Variants in ATF7 observed in about 807,000 individuals in gnomAD.
The protein encoded by ATF7 is cyclic AMP-dependent transcription factor ATF-7.
A neutral mutation model predicts 50.4 loss-of-function variants in ATF7; 10 were observed. The ratio of observed to expected loss-of-function variants is 0.20; its 90% CI spans 0.12 to 0.34. ATF7 has a LOEUF of 0.34. ATF7 is among the 10% of genes least tolerant of loss of function. The probability of loss-of-function intolerance (pLI) is 1.00; values close to 1 mark genes in which losing one functional copy is unlikely to be tolerated. For synonymous variants in ATF7, 201 were observed against 226.4 expected, an observed-to-expected ratio of 0.89 and a Z score of 1.01; for missense variants, 465 against 613.9, an observed-to-expected ratio of 0.76 and a Z score of 2.56.
intron 2 of ATF7, among the ~76,000 whole-genome samples, chr12:53,572,158 TGGCTTGGCATATAAAGAGCTTAG>T (rs1273231040): frequency 6.6e-6 from 1 of 152,218 alleles, no homozygotes; most frequent in Non-Finnish European, 1.5e-5. Context: ...TTCTGGTTTT[TGGCTTGGCATATAAAGAGCTTAG>T]AATAACAGTT....
intron 2 of ATF7, among the ~76,000 whole-genome samples, chr12:53,572,561 C>CG (rs1319787937): frequency 3.9e-5 from 6 of 151,978 alleles, no homozygotes; most frequent in East Asian, 1.9e-4. Context: ...GTGCTTTTGG[C>CG]GGGGGGAAAG....
chr12:53,564,301 A>G (rs1843317), intron 2 of ATF7, among the ~76,000 whole-genome samples: 72,235 of 151,686 alleles, frequency 0.48, 17,281 homozygotes, highest in East Asian at 0.74. Context: ...ACCTGAACCC[A>G]GGAAGTGGAG....
intron 2 of ATF7, among the ~76,000 whole-genome samples, chr12:53,589,751 A>G (rs951404234): frequency 4.6e-5 from 7 of 152,222 alleles, no homozygotes; most frequent in African/African-American, 1.7e-4. Flanking sequence ...CTAAGCAGAC[A>G]GGAACCATGA....
intron 2 of ATF7, among the ~76,000 whole-genome samples, chr12:53,568,131 T>G (rs1941548069): frequency 1.3e-5 from 2 of 152,208 alleles, no homozygotes; most frequent in Admixed American, 6.5e-5. Flanking sequence ...TGTAAATACT[T>G]CCTGATAATA....
downstream of ATF7, chr12:53,511,936 TTCC>T (rs1360331476): frequency 2.0e-5 from 3 of 152,236 alleles, no homozygotes; most frequent in African/African-American, 7.2e-5. Flanking sequence ...AAAATCCCTG[TTCC>T]TTCTGTCCTA....
At chr12:53,587,193 C>A (rs930367664) in intron 2 of ATF7, among the ~76,000 whole-genome samples, 1 of 151,042 alleles carries the variant, frequency 6.6e-6, no homozygotes, top group African/African-American at 2.4e-5. Flanking sequence ...ATGGTGAAAA[C>A]CCATCTCTAC....
chr12:53,548,633 G>A (rs1940108499), intron 3 of ATF7, among the ~76,000 whole-genome samples: 1 of 152,188 alleles, frequency 6.6e-6, no homozygotes, highest in Admixed American at 6.5e-5. Context: ...GTGCTCAGCT[G>A]AGAATGCTTT....
chr12:53,562,333 A>G (rs1402266535), intron 2 of ATF7, among the ~76,000 whole-genome samples: 1 of 152,084 alleles, frequency 6.6e-6, no homozygotes, highest in Non-Finnish European at 1.5e-5. Context: ...AAGCAACCCC[A>G]ACCTACAAAA....
Position 53,516,877 on chromosome 12 carries a change from G to C in ATF7, c.*260C>G. 1 of 531,008 alleles carries C rather than the reference G, an allele frequency of 1.9e-6. No homozygotes were observed. Among genetic ancestry groups the C allele is most frequent in the East Asian group, 3.3e-5 (1 of 30,252 alleles). 32.9% of individuals were successfully genotyped at this position (531,008 alleles called of 1,614,324 possible). On this transcript the variant is annotated 3_prime_UTR_variant, in exon 12 of 12. Coordinates refer to ENST00000420353, the MANE Select transcript of ATF7 (RefSeq NM_006856.3). ...GGTGATTGTTCGGACCATCTGGAAA[G>C]GCCTTTGGCTGTGGATGCATCAGAA...
intron 1 of ATF7, among the ~76,000 whole-genome samples, chr12:53,601,348 T>C (rs1294936269): frequency 6.6e-6 from 1 of 152,188 alleles, no homozygotes; most frequent in Non-Finnish European, 1.5e-5. Flanking sequence ...CTTATGTCAA[T>C]AAATTCACTG....
intron 1 of ATF7, among the ~76,000 whole-genome samples, chr12:53,607,641 T>C (rs865837774): frequency 1.3e-5 from 2 of 152,024 alleles, no homozygotes; most frequent in Non-Finnish European, 2.9e-5. Flanking sequence ...AAATGCCGTA[T>C]GTTAAATGGG....
At chr12:53,569,044 G>A (rs888195827) in intron 2 of ATF7, among the ~76,000 whole-genome samples, 1 of 152,140 alleles carries the variant, frequency 6.6e-6, no homozygotes, top group Non-Finnish European at 1.5e-5. Flanking sequence ...TGTAGTCCCA[G>A]CTACTTGGGA....
chr12:53,620,230 G>C (rs971840577), intron 1 of ATF7, among the ~76,000 whole-genome samples: 59 of 151,992 alleles, frequency 3.9e-4, no homozygotes, highest in African/African-American at 1.3e-3. Context: ...CTTGAGGTCA[G>C]GAGTTCAAGA....
At chr12:53,579,926 C>T (rs1942315849) in intron 2 of ATF7, among the ~76,000 whole-genome samples, 1 of 152,082 alleles carries the variant, frequency 6.6e-6, no homozygotes, top group Non-Finnish European at 1.5e-5. Flanking sequence ...TTTCCTTCTA[C>T]TCTCACAAAC....
chr12:53,534,441 T>C (rs1040717910), intron 6 of ATF7, 61 bp downstream of exon 6: 2 of 1,598,504 alleles, frequency 1.3e-6, no homozygotes, highest in Admixed American at 1.7e-5. Context: ...TTTTATCAAA[T>C]AGTTTCATGT....
At position 53,552,644 on chromosome 12, in the gene ATF7, C is replaced by A. The variant is rs113574780; in HGVS notation, c.49-7G>T. 3.7e-6 allele frequency: 6 copies of A among 1,608,736 alleles called. No homozygotes were observed. In the East Asian group the frequency reaches 1.3e-4, roughly 36 times the overall value. On this transcript the variant is annotated splice_region_variant and splice_polypyrimidine_tract_variant and intron_variant, in intron 2 of 11. Transcript: ENST00000420353. ...GGTCCTCGTTTGTAAATCTCTGAAA[C>A]GAAACAGAAATGGAGATATGAAAAA...
chr12:53,571,652 AAG>A (rs1468570413), intron 2 of ATF7, among the ~76,000 whole-genome samples: 2 of 151,844 alleles, frequency 1.3e-5, no homozygotes, highest in Non-Finnish European at 2.9e-5. Context: ...AAAAAAAAAA[AAG>A]GGAGCAGGGA....
chr12:53,554,770 C>A (rs142423250), intron 2 of ATF7, among the ~76,000 whole-genome samples: 2,553 of 144,468 alleles, frequency 0.018, 148 homozygotes, highest in Admixed American at 0.13. Context: ...GACTGAGGCA[C>A]GAGAATTGCT....
intron 4 of ATF7, among the ~76,000 whole-genome samples, chr12:53,542,562 G>T (rs965030368): frequency 1.3e-5 from 2 of 152,188 alleles, no homozygotes; most frequent in African/African-American, 4.8e-5. Flanking sequence ...GAGTAGCTAG[G>T]ACTACAGGCA....
Sources: allele counts gnomAD v4.1 joint callset (sites outside exome capture counted in the v4.1 genomes callset), GRCh38; gene constraint gnomAD v4.1.1; transcripts MANE v1.5; gene names NCBI Gene and HGNC (gene_info 2026-07-23, HGNC 2026-07-21).